Variants in CELF2 observed in about 807,000 individuals in gnomAD.
CELF2 encodes the protein CUGBP Elav-like family member 2, also known as CUG triplet repeat RNA-binding protein 2.
A neutral mutation model predicts 62.6 loss-of-function variants in CELF2; 8 were observed. The observed-to-expected ratio is 0.13, with a 90% CI of 0.07 to 0.23. CELF2 has a LOEUF of 0.23. Ranked by LOEUF, CELF2 falls within the 10% of genes least tolerant of loss-of-function variation. The probability of loss-of-function intolerance (pLI) is 1.00; values close to 1 mark genes in which losing one functional copy is unlikely to be tolerated. For synonymous variants in CELF2, 258 were observed against 250.0 expected (o/e 1.03, Z -0.30); for missense variants, 333 against 671.0 (o/e 0.50, Z 5.56).
chr10:11,038,116 T>G (rs2061260259), intron 1 of CELF2, among the ~76,000 whole-genome samples: 1 of 152,226 alleles, frequency 6.6e-6, no homozygotes, highest in Admixed American at 6.5e-5. Flanking sequence ...GAGCTGAAGC[T>G]CGCATGAGAA....
In CELF2 at chr10:10,965,591, T is replaced by C. The variant is rs557479793; in HGVS notation, c.89+45592T>C. Among the ~76,000 whole-genome samples the C allele has an allele frequency of 1.1e-4, 17 of 152,302 alleles. No individual in the cohort carries two copies. The East Asian group carries it at 2.3e-3, about 21-fold the overall frequency. On this transcript the variant is annotated intron_variant, in intron 2 of 13. Coordinates refer to the CELF2 transcript ENST00000636488. The stretch of plus-strand genomic sequence containing the variant: ...GATTCCCAGGTGATGCTAATACACT[T>C]TGAGAATCATTAGAACAAATAAATA...
At chr10:11,130,450 G>T (rs970509299) in intron 1 of CELF2, among the ~76,000 whole-genome samples, 17 of 152,166 alleles carry the variant, frequency 1.1e-4, no homozygotes, top group Admixed American at 3.3e-4. Flanking sequence ...TCCTTACTGG[G>T]ATGCCCCATA....
intron 1 of CELF2, among the ~76,000 whole-genome samples, chr10:11,150,276 A>G (rs564282026): frequency 2.0e-5 from 3 of 152,292 alleles, no homozygotes; most frequent in Admixed American, 2.0e-4. Context: ...GTGGTTTATA[A>G]TCTTTATTTT....
chr10:10,855,351 G>A (rs887004277), intron 1 of CELF2, among the ~76,000 whole-genome samples: 6 of 152,164 alleles, frequency 3.9e-5, no homozygotes, highest in Admixed American at 3.9e-4. Context: ...ACCTAGGATG[G>A]GCTTCCTGCA....
intron 1 of CELF2, among the ~76,000 whole-genome samples, chr10:11,023,264 C>T (rs1407186082): frequency 6.6e-6 from 1 of 152,196 alleles, no homozygotes; most frequent in Non-Finnish European, 1.5e-5. Flanking sequence ...TTTCCTCCAC[C>T]AAGGAGGTGC....
At chr10:10,906,859 C>T (rs1453307384) in intron 1 of CELF2, among the ~76,000 whole-genome samples, 2 of 151,364 alleles carry the variant, frequency 1.3e-5, no homozygotes, top group African/African-American at 2.4e-5. Context: ...GCTGGAATTA[C>T]AGGCACAAGC....
chr10:11,061,510 G>A (rs2066714222), intron 1 of CELF2, among the ~76,000 whole-genome samples: 1 of 152,232 alleles, frequency 6.6e-6, no homozygotes, highest in African/African-American at 2.4e-5. Flanking sequence ...CATTGATGAA[G>A]GTGGCAACAC....
At chr10:11,169,239 A>G (rs916776415) in intron 2 of CELF2, 4 of 152,228 alleles carry the variant, frequency 2.6e-5, no homozygotes, top group Non-Finnish European at 5.9e-5. Context: ...CGTAAACTCT[A>G]AAAGGGACAA....
chr10:10,687,083 C>T, the CELF2 span, among the ~76,000 whole-genome samples: 1 of 152,180 alleles, frequency 6.6e-6, no homozygotes, highest in Non-Finnish European at 1.5e-5. Flanking sequence ...CATGAAAACA[C>T]CCTACACTTA....
intron 1 of CELF2, among the ~76,000 whole-genome samples, chr10:10,800,722 C>T (rs1455665305): frequency 6.6e-6 from 1 of 152,158 alleles, no homozygotes; most frequent in Non-Finnish European, 1.5e-5. Flanking sequence ...TTGATGAAAG[C>T]TACATTTTCA....
Position 11,182,924 on chromosome 10 carries a change from A to G in CELF2, c.271+17242A>G, listed in dbSNP as rs186965618. On this transcript the variant is annotated intron_variant, in intron 2 of 12. Coordinates refer to ENST00000633077, the MANE Select transcript of CELF2 (RefSeq NM_001326342.2). The stretch of plus-strand genomic sequence containing the variant: ...CCATTTGTGCATTCCTACTGTTGTC[A>G]CCCTTGGTGCCACCTAGAATATCAA... Among the ~76,000 whole-genome samples the G allele has an allele frequency of 1.6e-4, 25 of 152,186 alleles. No individual in the cohort carries two copies. In the East Asian group the frequency reaches 4.6e-3, roughly 28 times the overall value.
intron 2 of CELF2, among the ~76,000 whole-genome samples, chr10:10,921,991 G>T (rs1242965974): frequency 1.3e-5 from 2 of 152,188 alleles, no homozygotes; most frequent in East Asian, 1.9e-4. Context: ...GCCCAATGTT[G>T]TCATGAACAG....
the CELF2 span, among the ~76,000 whole-genome samples, chr10:10,687,049 G>C: frequency 6.6e-6 from 1 of 152,128 alleles, no homozygotes; most frequent in Non-Finnish European, 1.5e-5. Flanking sequence ...CTCCTTACCT[G>C]TTTCGATTCT....
chr10:11,103,100 A>C (rs2052236175), intron 1 of CELF2, among the ~76,000 whole-genome samples: 1 of 152,176 alleles, frequency 6.6e-6, no homozygotes, highest in Non-Finnish European at 1.5e-5. Context: ...AGGGTGCCTC[A>C]CAATGCGGCT....
At chr10:11,232,594 G>C (rs993353736) in intron 3 of CELF2, among the ~76,000 whole-genome samples, 4 of 152,138 alleles carry the variant, frequency 2.6e-5, no homozygotes, top group Admixed American at 2.6e-4. Context: ...GAAGATGTTT[G>C]AGTTCTTGGG....
chr10:11,221,632 G>A (rs1484833139), intron 3 of CELF2, among the ~76,000 whole-genome samples: 1 of 152,136 alleles, frequency 6.6e-6, no homozygotes, highest in African/African-American at 2.4e-5. Context: ...TTTAATTAAG[G>A]ATGTAATAAC....
At chr10:10,847,600 G>A (rs757019793) in intron 1 of CELF2, among the ~76,000 whole-genome samples, 6 of 152,190 alleles carry the variant, frequency 3.9e-5, no homozygotes, top group East Asian at 1.9e-4. Flanking sequence ...CCTGAAAAGC[G>A]TCATTGCAGA....
chr10:11,297,156 T>C lies in CELF2; in HGVS notation c.976+8604T>C, dbSNP rs1405793947. ...GCCTGGGTGGCCAGTGGAGCATTGCTCTCAGTTGTGAGGGGAGTTGAGGAG... is the reference window on the plus strand; with the variant it reads ...GCCTGGGTGGCCAGTGGAGCATTGCCCTCAGTTGTGAGGGGAGTTGAGGAG... On this transcript the variant is annotated intron_variant, in intron 9 of 12. Coordinates refer to ENST00000633077, the MANE Select transcript of CELF2 (RefSeq NM_001326342.2). This position sits in a 1 kb window ranked among gnomAD's most constrained non-coding sequence, Gnocchi z 4.4. 6.6e-6 allele frequency among the ~76,000 whole-genome samples: 1 copy of C among 152,190 alleles called. No individual in the cohort carries two copies. The highest frequency in any genetic ancestry group is 2.4e-5 in the African/African-American group (1 of 41,454).
intron 8 of CELF2, among the ~76,000 whole-genome samples, chr10:11,281,561 C>T (rs557951881): frequency 2.7e-4 from 41 of 152,172 alleles, no homozygotes; most frequent in East Asian, 5.8e-4. Flanking sequence ...CCGGAGTTCC[C>T]GACCAGCCTG....
Sources: allele counts gnomAD v4.1 joint callset (sites outside exome capture counted in the v4.1 genomes callset), GRCh38; gene constraint gnomAD v4.1.1; non-coding constraint Gnocchi (gnomAD v3.1); transcripts MANE v1.5; gene names NCBI Gene and HGNC (gene_info 2026-07-23, HGNC 2026-07-21).